The following SLF1 variants were observed in gnomAD, a reference collection of about 807,000 sequenced individuals.
SLF1 encodes the protein SMC5-SMC6 complex localization factor protein 1.
Under a neutral mutation model 123.0 loss-of-function variants are expected in SLF1, and 105 were observed. That is an observed-to-expected ratio of 0.85 (90% CI 0.73 to 1.00). SLF1 has a LOEUF of 1.00. Among genes scored for constraint, SLF1 ranks in the 50% least tolerant of loss-of-function variants. SLF1 has a pLI of 0.00. For synonymous variants in SLF1, 434 were observed against 406.6 expected (o/e 1.07, Z -0.81); for missense variants, 1,239 against 1,223.0 (o/e 1.01, Z -0.20).
At chr5:94,642,638 C>A (rs893963834) in intron 4 of SLF1, among the ~76,000 whole-genome samples, 5 of 152,106 alleles carry the variant, frequency 3.3e-5, no homozygotes, top group Non-Finnish European at 5.9e-5. Flanking sequence ...TAGGTGGTAG[C>A]CTCTCTTGTG....
Position 94,678,824 on chromosome 5 carries a change from T to C in SLF1, c.1844T>C (p.Leu615Pro). 1 of 1,613,100 alleles carries C rather than the reference T, an allele frequency of 6.2e-7. No individual in the cohort carries two copies. The highest frequency in any genetic ancestry group is 8.5e-7 in the Non-Finnish European group (1 of 1,179,284). ...FKSNDVFKHE[L>P]AYLLAGILGA... The stretch of plus-strand genomic sequence containing the variant: ...TAATGTTAGGTCTTCAAACATGAAC[T>C]AGCTTACTTATTGGCTGGAATTCTT... Residue 615 changes from leucine (L) to proline (P), a missense_variant, in exon 15 of 21, where the codon CTA (leucine) becomes CCA (proline). Transcript: ENST00000265140.
At chr5:94,628,701 T>C (rs1444035308) in intron 1 of SLF1, 110 bp from the exon 2 acceptor site, 1 of 565,246 alleles carries the variant, frequency 1.8e-6, no homozygotes, top group Non-Finnish European at 2.9e-6. Flanking sequence ...CTTTAATTCA[T>C]TGTATGTTTA....
At chr5:94,652,878 A>G (rs1354948214) in intron 7 of SLF1, among the ~76,000 whole-genome samples, 3 of 152,130 alleles carry the variant, frequency 2.0e-5, no homozygotes, top group South Asian at 2.1e-4. Flanking sequence ...ATTTTTTGAG[A>G]TGGAGTTTCA....
At position 94,675,771 on chromosome 5, in the gene SLF1, A is replaced by C. The variant is rs370391203; in HGVS notation, c.1828-3037A>C. On this transcript the variant is annotated intron_variant, in intron 14 of 20. Transcript: ENST00000265140. Reference sequence around the variant, plus strand: ...TATAGTTATTCCTCGAAATCACTGCAAGACCTCTTCTGTTTAATAACATTA... The same window carrying C: ...TATAGTTATTCCTCGAAATCACTGCCAGACCTCTTCTGTTTAATAACATTA... 1.1e-4 allele frequency among the ~76,000 whole-genome samples: 16 copies of C among 152,300 alleles called. No individual in the cohort carries two copies. In the South Asian group the frequency reaches 3.1e-3, roughly 30 times the overall value.
intron 14 of SLF1, among the ~76,000 whole-genome samples, chr5:94,674,088 ATC>A (rs1333378407): frequency 2.6e-5 from 4 of 152,146 alleles, no homozygotes; most frequent in African/African-American, 7.2e-5. Flanking sequence ...ATAAATTACC[ATC>A]TGTCTTTTTA....
intron 7 of SLF1, 83 bp from the exon 8 acceptor site, chr5:94,653,189 A>C: frequency 1.5e-6 from 2 of 1,294,740 alleles, no homozygotes; most frequent in Non-Finnish European, 2.1e-6. Context: ...GTATGAAAGT[A>C]TGAAAGTCAC....
At position 94,653,380 on chromosome 5, in the gene SLF1, A is replaced by G. The variant is rs1312905582; in HGVS notation, c.991A>G (p.Ile331Val). The change falls in exon 8 of 21, where the codon ATA becomes GTA. Residue 331 changes from isoleucine to valine, a missense_variant. Physicochemically the swap from Ile to Val is conservative, Grantham distance 29. Transcript: ENST00000265140. ...NCKKGVEHEKIKSTLRRHIYN... is the reference protein window; with the variant it reads ...NCKKGVEHEKVKSTLRRHIYN... Reference sequence around the variant, plus strand: ...CAAGAAAGGCGTTGAACATGAAAAAATAAAAAGTACCTTAAGAAGGCACAT... The same window carrying G: ...CAAGAAAGGCGTTGAACATGAAAAAGTAAAAAGTACCTTAAGAAGGCACAT... The G allele has an allele frequency of 6.6e-7, 1 of 1,525,966 alleles. No homozygotes were observed. Among genetic ancestry groups the G allele is most frequent in the African/African-American group, 1.4e-5 (1 of 70,664 alleles). The allele number at this position is 1,525,966 out of a possible 1,614,324, so 94.5% of individuals were successfully genotyped here. A position where few individuals can be genotyped will look rare whatever the true frequency, so the allele number is the denominator to read the frequency against.
In SLF1 at chr5:94,639,415, C is replaced by T. The variant is rs1585125718; in HGVS notation, c.432-3858C>T. ...ACTAGTTCAGTGTTTTTAATGGTTT[C>T]CTTTAATCTCTGTATTAGATCTCTT... On this transcript the variant is annotated intron_variant, in intron 4 of 20. Transcript: ENST00000265140. Among the ~76,000 whole-genome samples the T allele has an allele frequency of 1.3e-5, 2 of 152,162 alleles. 1 individual carries two copies. The highest frequency in any genetic ancestry group is 1.3e-4 in the Admixed American group (2 of 15,282).
intron 1 of SLF1, among the ~76,000 whole-genome samples, chr5:94,627,012 A>C (rs1212878317): frequency 3.9e-5 from 6 of 152,204 alleles, no homozygotes; most frequent in Admixed American, 3.9e-4. Context: ...ACTTTCTTTC[A>C]ATTTTTACTC....
intron 14 of SLF1, among the ~76,000 whole-genome samples, chr5:94,674,616 T>C (rs1750837327): frequency 6.6e-6 from 1 of 152,230 alleles, no homozygotes; most frequent in Non-Finnish European, 1.5e-5. Context: ...TGTTTCTTGA[T>C]TTGCTGAGTT....
intron 9 of SLF1, among the ~76,000 whole-genome samples, chr5:94,656,592 A>G (rs570612340): frequency 6.6e-6 from 1 of 152,080 alleles, no homozygotes; most frequent in South Asian, 2.1e-4. Context: ...CATTTGGTTG[A>G]ATTCAGCAAT....
At position 94,686,602 on chromosome 5, in the gene SLF1, A is replaced by G. The variant is rs745692986; in HGVS notation, c.2005A>G (p.Ile669Val). ...TTCTTCACAGGAATTAGAGATTTTC[A>G]TTTGCTCCTTTTCCTCCTCCTGGCT... is the stretch of plus-strand genomic sequence containing the variant. ...DFSSQELEIF[I>V]CSFSSSWLQM... Residue 669 changes from isoleucine to valine, a missense_variant, in exon 16 of 21, where the codon ATT becomes GTT. Transcript: ENST00000265140. 1.1e-5 allele frequency: 17 copies of G among 1,613,852 alleles called. No individual in the cohort carries two copies. In the African/African-American group the frequency reaches 2.3e-4, roughly 22 times the overall value.
chr5:94,627,992 T>C (rs981412808), intron 1 of SLF1, among the ~76,000 whole-genome samples: 2 of 151,826 alleles, frequency 1.3e-5, no homozygotes, highest in Admixed American at 6.6e-5. Flanking sequence ...CACGCTGGGC[T>C]AATTTTGTAT....
At chr5:94,689,057 A>G (rs1752768801) in intron 17 of SLF1, among the ~76,000 whole-genome samples, 1 of 152,142 alleles carries the variant, frequency 6.6e-6, no homozygotes, top group African/African-American at 2.4e-5. Context: ...TATAAGGTGT[A>G]TAAAAGTGTA....
Position 94,689,470 on chromosome 5 carries a change from C to T in SLF1, c.2286-3C>T. ...TTTCATTATTTCTTACTTTTCCTTT[C>T]AGAGACCTGAACCTTGCTAAATGTT... On this transcript the variant is annotated splice_polypyrimidine_tract_variant and splice_region_variant and intron_variant, in intron 17 of 20. Transcript: ENST00000265140. 1.2e-6 allele frequency: 2 copies of T among 1,602,806 alleles called. No homozygotes were observed. Among genetic ancestry groups the T allele is most frequent in the Non-Finnish European group, 1.7e-6 (2 of 1,176,440 alleles).
chr5:94,687,690 T>TCAA (rs142879632), intron 16 of SLF1, among the ~76,000 whole-genome samples: 2,516 of 150,234 alleles, frequency 0.017, 34 homozygotes, highest in Non-Finnish European at 0.017. Context: ...AGACCCTGTC[T>TCAA]CAACAACAAC....
chr5:94,655,719 G>T (rs1207936566), intron 9 of SLF1, among the ~76,000 whole-genome samples: 1 of 151,968 alleles, frequency 6.6e-6, no homozygotes, highest in Non-Finnish European at 1.5e-5. Context: ...TCTTCTAAAT[G>T]GGATTGCTTC....
intron 18 of SLF1, 45 bp from the exon 19 acceptor site, chr5:94,691,519 G>A (rs1244453748): frequency 2.0e-6 from 3 of 1,489,332 alleles, no homozygotes; most frequent in Non-Finnish European, 2.8e-6. Flanking sequence ...TTTTTTAGTT[G>A]ATATCTTGTC....
chr5:94,679,085 A>G, intron 15 of SLF1, 130 bp downstream of exon 15: 2 of 947,850 alleles, frequency 2.1e-6, no homozygotes, highest in African/African-American at 1.7e-5. Context: ...GGATGCACGC[A>G]CACATAGATT....
Sources: gnomAD v4.1 joint callset for allele counts (sites outside exome capture counted in the v4.1 genomes callset) on GRCh38, gnomAD v4.1.1 for gene constraint, MANE v1.5 for transcripts, NCBI Gene and HGNC (gene_info 2026-07-23, HGNC 2026-07-21) for gene names.